NT5DC1: variants seen among roughly 807,000 people sequenced by gnomAD.
NT5DC1 encodes the protein 5'-nucleotidase domain containing 1.
In NT5DC1, 42 loss-of-function variants were observed where a neutral mutation model predicts 59.4. The observed-to-expected ratio is 0.71, with a 90% CI of 0.55 to 0.92. NT5DC1 has a LOEUF of 0.92. Among genes scored for constraint, NT5DC1 ranks in the 40% least tolerant of loss-of-function variants. NT5DC1 has a pLI of 0.00. For synonymous variants in NT5DC1, 172 were observed against 188.1 expected (o/e 0.91, Z 0.70); for missense variants, 501 against 537.1 (o/e 0.93, Z 0.66).
At chr6:116,128,173 T>C (rs1050659377) in intron 6 of NT5DC1, among the ~76,000 whole-genome samples, 1 of 152,188 alleles carries the variant, frequency 6.6e-6, no homozygotes, top group African/African-American at 2.4e-5. Flanking sequence ...CCCTTTAGTT[T>C]TGGAAAATGT....
At chr6:116,237,223 A>G (rs1782133139) in intron 9 of NT5DC1, 139 bp downstream of exon 9, 5 of 653,158 alleles carry the variant, frequency 7.7e-6, no homozygotes, top group South Asian at 5.4e-5. Flanking sequence ...TATCTGTGAT[A>G]GAGAGGAGCA....
chr6:116,167,651 G>A (rs984006137), intron 6 of NT5DC1, among the ~76,000 whole-genome samples: 19 of 151,884 alleles, frequency 1.3e-4, no homozygotes, highest in East Asian at 1.9e-4. Flanking sequence ...TCTACCCTTC[G>A]TTAGTTTTTA....
chr6:116,215,973 G>A (rs369889057), intron 6 of NT5DC1, among the ~76,000 whole-genome samples: 1 of 152,058 alleles, frequency 6.6e-6, no homozygotes, highest in Non-Finnish European at 1.5e-5. Flanking sequence ...TAAACTGTTC[G>A]AATAATTTTT....
At chr6:116,128,604 T>C (rs1203871391) in intron 6 of NT5DC1, among the ~76,000 whole-genome samples, 1 of 152,204 alleles carries the variant, frequency 6.6e-6, no homozygotes, top group Non-Finnish European at 1.5e-5. Context: ...CTTATGTTTC[T>C]TAAGTGCTTC....
In NT5DC1 at chr6:116,218,832, T is replaced by C. The variant is rs527772570; in HGVS notation, c.530-2222T>C. ...TGTTAGTTTTGGTCTGGTTATGATA[T>C]TCATGCAATATATTTTCTGAATCAT... On this transcript the variant is annotated intron_variant, in intron 6 of 11. Coordinates refer to ENST00000319550, the MANE Select transcript of NT5DC1 (RefSeq NM_152729.3). Among the ~76,000 whole-genome samples the C allele has an allele frequency of 6.0e-5, 9 of 149,160 alleles. No homozygotes were observed. The South Asian group carries it at 1.9e-3, about 31-fold the overall frequency.
At chr6:116,151,781 C>A (rs1214940235) in intron 6 of NT5DC1, among the ~76,000 whole-genome samples, 2 of 152,186 alleles carry the variant, frequency 1.3e-5, no homozygotes, top group East Asian at 3.9e-4. Context: ...AGCAAATAAA[C>A]TTTTTTTAAA....
chr6:116,202,869 A>G (rs1781375895), intron 6 of NT5DC1, among the ~76,000 whole-genome samples: 1 of 152,050 alleles, frequency 6.6e-6, no homozygotes. Flanking sequence ...TTCCTTAACT[A>G]GAAAATCTTA....
chr6:116,169,857 G>A (rs991725344), intron 6 of NT5DC1, among the ~76,000 whole-genome samples: 2 of 152,182 alleles, frequency 1.3e-5, no homozygotes, highest in Non-Finnish European at 2.9e-5. Flanking sequence ...CTCAGATTGA[G>A]CAAGTGATAA....
intron 8 of NT5DC1, among the ~76,000 whole-genome samples, chr6:116,235,597 T>G (rs1404851726): frequency 6.6e-6 from 1 of 152,264 alleles, no homozygotes; most frequent in African/African-American, 2.4e-5. Flanking sequence ...TGACATTATT[T>G]GACTCATTTT....
At chr6:116,153,366 A>G (rs560672) in intron 6 of NT5DC1, among the ~76,000 whole-genome samples, 1,740 of 152,216 alleles carry the variant, frequency 0.011, 39 homozygotes, top group African/African-American at 0.04. Context: ...TTGAGGGTGA[A>G]TTTAGCTCGA....
chr6:116,167,235 A>G (rs1409694541), intron 6 of NT5DC1, among the ~76,000 whole-genome samples: 1 of 113,914 alleles, frequency 8.8e-6, no homozygotes, highest in Non-Finnish European at 1.7e-5. Flanking sequence ...TTTTTTTGAG[A>G]CAGAATCTTG....
Position 116,239,058 on chromosome 6 carries a change from C to T in NT5DC1, c.1187C>T (p.Thr396Ile). 1.2e-6 allele frequency: 2 copies of T among 1,611,452 alleles called. No individual in the cohort carries two copies. Among genetic ancestry groups the T allele is most frequent in the East Asian group, 2.2e-5 (1 of 44,794 alleles). Residue 396 changes from threonine (T) to isoleucine (I), a missense_variant, in exon 11 of 12, where the codon ACA becomes ATA. Transcript: ENST00000319550. ...AATACAGAAGACTCCTTGGTTTATA[C>T]ATGGTCTTGTAAGAGAATCAGTACT... ...LENTEDSLVY[T>I]WSCKRISTYS...
chr6:116,127,602 T>C (rs1779354249), intron 6 of NT5DC1, among the ~76,000 whole-genome samples: 1 of 152,166 alleles, frequency 6.6e-6, no homozygotes, highest in African/African-American at 2.4e-5. Context: ...CACCTGCCTT[T>C]TGGCTTATGG....
intron 6 of NT5DC1, among the ~76,000 whole-genome samples, chr6:116,215,085 A>G (rs879655717): frequency 6.6e-6 from 1 of 152,218 alleles, no homozygotes; most frequent in Middle Eastern, 3.4e-3. Context: ...GAAAATGATT[A>G]AAAGAGTGGA....
At position 116,237,754 on chromosome 6, in the gene NT5DC1, G is replaced by C. The variant is rs1295772768; in HGVS notation, c.922-433G>C. The C allele has an allele frequency of 3.3e-5, 9 of 272,632 alleles. No homozygotes were observed. The East Asian group carries it at 5.9e-4, about 18-fold the overall frequency. 16.9% of individuals were successfully genotyped at this position (272,632 alleles called of 1,614,324 possible). On this transcript the variant is annotated intron_variant, in intron 9 of 11. Transcript: ENST00000319550. ...ACAGATTCTGTTTCAACCAGTCTGG[G>C]GTTGGGCCCAGAAACTTGAAAAGTG...
chr6:116,162,256 G>A (rs1780353278), intron 6 of NT5DC1, among the ~76,000 whole-genome samples: 1 of 152,062 alleles, frequency 6.6e-6, no homozygotes. Flanking sequence ...TTCCGATTTG[G>A]ATGCCTTTAA....
intron 6 of NT5DC1, among the ~76,000 whole-genome samples, chr6:116,193,222 A>AT (rs1781156023): frequency 6.6e-6 from 1 of 151,948 alleles, no homozygotes; most frequent in Non-Finnish European, 1.5e-5. Flanking sequence ...TTCACTGTTT[A>AT]TTTTTTAAAA....
rs1159610052 is a variant in NT5DC1, at chr6:116,100,853, C to T, written c.-78C>T. The T allele has an allele frequency of 8.7e-7, 1 of 1,148,914 alleles. No individual in the cohort carries two copies. Among genetic ancestry groups the T allele is most frequent in the South Asian group, 1.4e-5 (1 of 69,204 alleles). 71.2% of individuals were successfully genotyped at this position (1,148,914 alleles called of 1,614,324 possible). ...CCCGCCCCGCCGCGTCCGGCCCGGTCCTGTCCCGCAGCGTCCCGCCAGCCA... is the reference window on the plus strand; with the variant it reads ...CCCGCCCCGCCGCGTCCGGCCCGGTTCTGTCCCGCAGCGTCCCGCCAGCCA... On this transcript the variant is annotated 5_prime_UTR_variant, in exon 1 of 12. Transcript: ENST00000319550.
At chr6:116,232,642 A>G (rs1782039759) in intron 8 of NT5DC1, among the ~76,000 whole-genome samples, 1 of 152,144 alleles carries the variant, frequency 6.6e-6, no homozygotes, top group Admixed American at 6.5e-5. Flanking sequence ...TCTGGCCTAC[A>G]AAACTTCTCA....
Sources: gnomAD v4.1 joint callset for allele counts (sites outside exome capture counted in the v4.1 genomes callset) on GRCh38, gnomAD v4.1.1 for gene constraint, MANE v1.5 for transcripts, NCBI Gene and HGNC (gene_info 2026-07-23, HGNC 2026-07-21) for gene names.